TIGIT: variants seen among roughly 807,000 people sequenced by gnomAD.
TIGIT encodes T cell immunoreceptor with Ig and ITIM domains.
Under a neutral mutation model 19.6 loss-of-function variants are expected in TIGIT, and 11 were observed. The observed-to-expected ratio is 0.56, with a 90% CI of 0.35 to 0.93. TIGIT has a LOEUF of 0.93. TIGIT is among the 40% of genes least tolerant of loss of function. The pLI is 0.01. For missense variants in TIGIT, 295 were observed against 303.9 expected (o/e 0.97, Z 0.22); for synonymous variants, 130 against 125.5 (o/e 1.04, Z -0.24).
Position 114,308,394 on chromosome 3 carries a change from G to T in TIGIT, c.*263G>T. 1 of 351,658 alleles carries T rather than the reference G, an allele frequency of 2.8e-6. No individual in the cohort carries two copies. Among genetic ancestry groups the T allele is most frequent in the Non-Finnish European group, 5.2e-6 (1 of 190,954 alleles). 21.8% of individuals were successfully genotyped at this position (351,658 alleles called of 1,614,324 possible). A position where few individuals can be genotyped will look rare whatever the true frequency, so the allele number is the denominator to read the frequency against. On this transcript the variant is annotated 3_prime_UTR_variant, in exon 4 of 4. Coordinates refer to ENST00000383671, the MANE Select transcript of TIGIT (RefSeq NM_173799.4). ...GCAAAATTAAAAAATATCTTGACCT[G>T]GTTTTAAATCTGGCAGTTTGAGCAG...
In TIGIT at chr3:114,308,965, TACTC is replaced by T. The variant is rs1189207844; in HGVS notation, c.*836_*839del. 1.3e-5 allele frequency: 2 copies of T among 152,242 alleles called. No homozygotes were observed. Among genetic ancestry groups the T allele is most frequent in the Admixed American group, 6.5e-5 (1 of 15,280 alleles). 9.4% of individuals were successfully genotyped at this position (152,242 alleles called of 1,614,324 possible). A position where few individuals can be genotyped will look rare whatever the true frequency, so the allele number is the denominator to read the frequency against. On this transcript the variant is annotated 3_prime_UTR_variant, in exon 4 of 4. Coordinates refer to ENST00000383671, the MANE Select transcript of TIGIT (RefSeq NM_173799.4). ...TTTCAAGTTTCCTTTTGCTGTGACA[TACTC>T]ATCCATTAGACAGCCTGATACAGGC...
Position 114,309,360 on chromosome 3 carries a change from C to T in TIGIT, c.*1229C>T, listed in dbSNP as rs2078557290. 6.6e-6 allele frequency: 1 copy of T among 152,106 alleles called. No individual in the cohort carries two copies. The allele number at this position is 152,106 out of a possible 1,614,324, so 9.4% of individuals were successfully genotyped here. ...TCTTAGAAGACTTTTATCCTTCCAC[C>T]ATCTCTCTCAGAGGAATGAGCGGGG... On this transcript the variant is annotated 3_prime_UTR_variant, in exon 4 of 4. Transcript: ENST00000383671.
chr3:114,305,780 AG>A (rs2078529646), intron 3 of TIGIT, among the ~76,000 whole-genome samples: 1 of 143,652 alleles, frequency 7.0e-6, no homozygotes, highest in African/African-American at 2.6e-5. Flanking sequence ...TAGGAGATAT[AG>A]ATGGATGGAT....
chr3:114,302,350 A>T (rs2078497967), intron 3 of TIGIT, among the ~76,000 whole-genome samples: 1 of 152,228 alleles, frequency 6.6e-6, no homozygotes. Flanking sequence ...CCATTCAAGT[A>T]GTGCTCATAG....
rs538730611 is a variant in TIGIT, at chr3:114,307,934, A to G, written c.538A>G (p.Arg180Gly). Residue 180 changes from arginine to glycine, a missense_variant, in exon 4 of 4, where the codon AGG becomes GGG. Arg to Gly is a moderately radical substitution (Grantham distance 125, BLOSUM62 -2). Transcript: ENST00000383671. ...AATCCATTCTGTGGAAGGTGACCTC[A>G]GGAGAAAATCAGCTGGACAGGAGGA... ...LRIHSVEGDL[R>G]RKSAGQEEWS... 4.3e-6 allele frequency: 7 copies of G among 1,614,224 alleles called. No homozygotes were observed. In the African/African-American group the frequency reaches 6.7e-5, roughly 15 times the overall value.
Position 114,308,307 on chromosome 3 carries a change from G to A in TIGIT, c.*176G>A, listed in dbSNP as rs530420704. Reference sequence around the variant, plus strand: ...CCATCTTCATTTCCTTGGCCTTTTCGTTCTATTCCATTTTGCATTATGGCA... The same window carrying A: ...CCATCTTCATTTCCTTGGCCTTTTCATTCTATTCCATTTTGCATTATGGCA... On this transcript the variant is annotated 3_prime_UTR_variant, in exon 4 of 4. Coordinates refer to ENST00000383671, the MANE Select transcript of TIGIT (RefSeq NM_173799.4). The A allele has an allele frequency of 4.6e-5, 28 of 611,616 alleles. No homozygotes were observed. The highest frequency in any genetic ancestry group is 3.5e-4 in the Admixed American group (12 of 33,804). The allele number at this position is 611,616 out of a possible 1,614,324, so 37.9% of individuals were successfully genotyped here.
intron 3 of TIGIT, among the ~76,000 whole-genome samples, chr3:114,303,409 T>C (rs2078504629): frequency 6.6e-6 from 1 of 151,404 alleles, no homozygotes; most frequent in South Asian, 2.1e-4. Flanking sequence ...ACTTCACTTA[T>C]AGTAGTGGTT....
chr3:114,307,582 T>A, intron 3 of TIGIT: 1 of 263,012 alleles, frequency 3.8e-6, no homozygotes, highest in Non-Finnish European at 7.3e-6. Flanking sequence ...AAGTAAGAGG[T>A]CGACAGAGTC....
chr3:114,299,514 C>T, intron 2 of TIGIT, 83 bp from the exon 3 acceptor site: 2 of 1,061,008 alleles, frequency 1.9e-6, no homozygotes, highest in Non-Finnish European at 2.9e-6. Flanking sequence ...CCTCCCCTCT[C>T]TGCCGTGAAG....
chr3:114,305,730 A>T lies in TIGIT; in HGVS notation c.499-2165A>T, dbSNP rs145118149. ...GTCAGGTAGAGAGATCTGAGCAGGA[A>T]CTGTACATTAGTTATGGGTCTCCGG... On this transcript the variant is annotated intron_variant, in intron 3 of 3. Coordinates refer to ENST00000383671, the MANE Select transcript of TIGIT (RefSeq NM_173799.4). 3.7e-3 allele frequency among the ~76,000 whole-genome samples: 564 copies of T among 152,126 alleles called. 3 individuals are homozygous for T. Among genetic ancestry groups the T allele is most frequent in the African/African-American group, 0.012 (513 of 41,484 alleles).
In TIGIT at chr3:114,305,063, T is replaced by C. The variant is rs79147937; in HGVS notation, c.499-2832T>C. ...TCACACTTTGAGTTGCTGATAGATC[T>C]GAGGCTGTCATTTTCTCACTTCAGT... On this transcript the variant is annotated intron_variant, in intron 3 of 3. Transcript: ENST00000383671. 3.9e-3 allele frequency among the ~76,000 whole-genome samples: 597 copies of C among 152,368 alleles called. 2 individuals carry two copies. Among genetic ancestry groups the C allele is most frequent in the African/African-American group, 0.014 (570 of 41,582 alleles).
rs1560033518 is a variant in TIGIT, at chr3:114,303,542, CATATATATGTATATATATAT to C, written c.498+3841_498+3860del. On this transcript the variant is annotated intron_variant, in intron 3 of 3. Transcript: ENST00000383671. Reference sequence around the variant, plus strand: ...ACACATATATATGTATATATATACACATATATATGTATATATATATACATATATATGTATATATATATATA... The same window carrying C: ...ACACATATATATGTATATATATACACACATATATATGTATATATATATATA... 1.6e-3 allele frequency among the ~76,000 whole-genome samples: 37 copies of C among 22,870 alleles called. 2 individuals carry two copies. Among genetic ancestry groups the C allele is most frequent in the African/African-American group, 2.1e-3 (11 of 5,164 alleles). The allele number at this position is 22,870 out of a possible 152,430, so 15.0% of individuals were successfully genotyped here. A position where few individuals can be genotyped will look rare whatever the true frequency, so the allele number is the denominator to read the frequency against.
At chr3:114,295,453 G>T in intron 1 of TIGIT, 92 bp from the exon 2 acceptor site, 2 of 938,894 alleles carry the variant, frequency 2.1e-6, no homozygotes, top group Non-Finnish European at 3.3e-6. Flanking sequence ...CCAAAATCCA[G>T]TTGGGGCCTC....
At position 114,294,126 on chromosome 3, in the gene TIGIT, A is replaced by G; in HGVS notation, c.61+4A>G. 6.4e-7 allele frequency: 1 copy of G among 1,552,456 alleles called. No individual in the cohort carries two copies. The highest frequency in any genetic ancestry group is 8.7e-7 in the Non-Finnish European group (1 of 1,146,748). On this transcript the variant is annotated splice_donor_region_variant and intron_variant, in intron 1 of 3. Transcript: ENST00000383671. ...AGGCAGGCTCCCCTCGCCTCAGGTA[A>G]GGCCTGAAACCCAGCAGAGCAGCAG... is the stretch of plus-strand genomic sequence containing the variant.
chr3:114,308,221 G>T lies in TIGIT; in HGVS notation c.*90G>T, dbSNP rs1157634047. 20 of 838,910 alleles carry T rather than the reference G, an allele frequency of 2.4e-5. No homozygotes were observed. Among genetic ancestry groups the T allele is most frequent in the Non-Finnish European group, 2.0e-5 (10 of 511,598 alleles). 52.0% of individuals were successfully genotyped at this position (838,910 alleles called of 1,614,324 possible). A position where few individuals can be genotyped will look rare whatever the true frequency, so the allele number is the denominator to read the frequency against. ...GCTGTACTCTCCATCAGTGCTGCGT[G>T]TGTGTGTGTGTGTGTATGTGTGTGT... On this transcript the variant is annotated 3_prime_UTR_variant, in exon 4 of 4. Transcript: ENST00000383671.
Position 114,309,974 on chromosome 3 carries a change from G to A in TIGIT, c.*1843G>A, listed in dbSNP as rs2078561196. 2 of 152,086 alleles carry A rather than the reference G, an allele frequency of 1.3e-5. No individual in the cohort carries two copies. The highest frequency in any genetic ancestry group is 1.3e-4 in the Admixed American group (2 of 15,274). 9.4% of individuals were successfully genotyped at this position (152,086 alleles called of 1,614,324 possible). ...AGGTTACTGAAATGGGATTCAATTT[G>A]AAAAAAATTTTTTTAAATAGAACTC... On this transcript the variant is annotated 3_prime_UTR_variant, in exon 4 of 4. Transcript: ENST00000383671.
Position 114,307,832 on chromosome 3 carries a change from T to C in TIGIT, c.499-63T>C. The C allele has an allele frequency of 3.5e-6, 5 of 1,413,610 alleles. No individual in the cohort carries two copies. In the South Asian group the frequency reaches 4.8e-5, roughly 14 times the overall value. The allele number at this position is 1,413,610 out of a possible 1,614,324, so 87.6% of individuals were successfully genotyped here. A position where few individuals can be genotyped will look rare whatever the true frequency, so the allele number is the denominator to read the frequency against. On this transcript the variant is annotated intron_variant, in intron 3 of 3. Coordinates refer to ENST00000383671, the MANE Select transcript of TIGIT (RefSeq NM_173799.4). Reference sequence around the variant, plus strand: ...GTAAGAAAGGAAGAGAGAGATGTCATATTGGGGATTAACTGTTGAATAACA... The same window carrying C: ...GTAAGAAAGGAAGAGAGAGATGTCACATTGGGGATTAACTGTTGAATAACA...
Position 114,308,214 on chromosome 3 carries a change from G to T in TIGIT, c.*83G>T. On this transcript the variant is annotated 3_prime_UTR_variant, in exon 4 of 4. Coordinates refer to ENST00000383671, the MANE Select transcript of TIGIT (RefSeq NM_173799.4). ...ATAAGCAGCTGTACTCTCCATCAGTGCTGCGTGTGTGTGTGTGTGTGTATG... is the reference window on the plus strand; with the variant it reads ...ATAAGCAGCTGTACTCTCCATCAGTTCTGCGTGTGTGTGTGTGTGTGTATG... 1 of 1,057,304 alleles carries T rather than the reference G, an allele frequency of 9.5e-7. No individual in the cohort carries two copies. Among genetic ancestry groups the T allele is most frequent in the Non-Finnish European group, 1.4e-6 (1 of 697,900 alleles). The allele number at this position is 1,057,304 out of a possible 1,614,324, so 65.5% of individuals were successfully genotyped here. A position where few individuals can be genotyped will look rare whatever the true frequency, so the allele number is the denominator to read the frequency against.
chr3:114,297,222 A>C (rs1310492131), intron 2 of TIGIT, among the ~76,000 whole-genome samples: 13 of 152,176 alleles, frequency 8.5e-5, no homozygotes, highest in Admixed American at 7.9e-4. Flanking sequence ...GAGGCTCTGG[A>C]ATTGCACTGT....
Sources: gnomAD v4.1 joint callset for allele counts (sites outside exome capture counted in the v4.1 genomes callset) on GRCh38, gnomAD v4.1.1 for gene constraint, MANE v1.5 for transcripts, NCBI Gene and HGNC (gene_info 2026-07-23, HGNC 2026-07-21) for gene names.